Variants in RIMS2 observed in about 807,000 individuals in gnomAD.
The protein encoded by RIMS2 is regulating synaptic membrane exocytosis protein 2.
A neutral mutation model predicts 174.4 loss-of-function variants in RIMS2; 59 were observed. The observed-to-expected ratio is 0.34, with a 90% CI of 0.27 to 0.42. RIMS2 has a LOEUF of 0.42. Among genes scored for constraint, RIMS2 ranks in the 10% least tolerant of loss-of-function variants. RIMS2 has a pLI of 1.00. For synonymous variants in RIMS2, 606 were observed against 572.5 expected (o/e 1.06, Z -0.84); for missense variants, 1,620 against 1,666.3 (o/e 0.97, Z 0.48).
At chr8:103,547,107 T>C (rs3095744) in intron 1 of RIMS2, among the ~76,000 whole-genome samples, 2,562 of 152,258 alleles carry the variant, frequency 0.017, 205 homozygotes, top group Admixed American at 0.14. Context: ...AGGTAAAAGA[T>C]GTACTTTTCA....
intron 3 of RIMS2, among the ~76,000 whole-genome samples, chr8:103,857,279 T>C (rs139224723): frequency 1.2e-4 from 19 of 152,348 alleles, no homozygotes; most frequent in Non-Finnish European, 2.1e-4. Context: ...AATCTTTTAT[T>C]GAGCTATTTG....
intron 1 of RIMS2, among the ~76,000 whole-genome samples, chr8:103,648,141 G>T (rs1355540961): frequency 3.3e-5 from 5 of 151,958 alleles, no homozygotes; most frequent in African/African-American, 1.2e-4. Context: ...TAGTTTCAAA[G>T]AACTTTCTTA....
intron 19 of RIMS2, among the ~76,000 whole-genome samples, chr8:104,044,359 G>A (rs1354238022): frequency 2.6e-5 from 4 of 151,434 alleles, no homozygotes; most frequent in Non-Finnish European, 5.9e-5. Context: ...AAAACAAGGA[G>A]AATAATAAGG....
At chr8:103,754,602 T>A (rs1258444112) in intron 2 of RIMS2, among the ~76,000 whole-genome samples, 1 of 152,212 alleles carries the variant, frequency 6.6e-6, no homozygotes, top group East Asian at 1.9e-4. Context: ...GCTTTATGAA[T>A]CTGGGTGATC....
intron 2 of RIMS2, among the ~76,000 whole-genome samples, chr8:103,724,157 TG>T (rs2097496202): frequency 6.6e-6 from 1 of 151,240 alleles, no homozygotes; most frequent in South Asian, 2.1e-4. Context: ...CCCTCTTCGA[TG>T]TGTCTGTTCT....
chr8:103,848,928 C>A (rs1301883626), intron 3 of RIMS2, among the ~76,000 whole-genome samples: 1 of 152,032 alleles, frequency 6.6e-6, no homozygotes, highest in African/African-American at 2.4e-5. Flanking sequence ...GCTAGAGAGG[C>A]CTTTTGACTC....
At chr8:103,968,245 G>C in intron 15 of RIMS2, among the ~76,000 whole-genome samples, 1 of 152,052 alleles carries the variant, frequency 6.6e-6, no homozygotes, top group Non-Finnish European at 1.5e-5. Flanking sequence ...TCCATTTAAA[G>C]TGGGTTTCTT....
At chr8:103,756,956 C>A (rs916943894) in intron 2 of RIMS2, among the ~76,000 whole-genome samples, 1 of 147,148 alleles carries the variant, frequency 6.8e-6, no homozygotes, top group African/African-American at 2.5e-5. Flanking sequence ...TTATTTCATC[C>A]TTTCTCGTAT....
chr8:103,683,549 A>G (rs150621876), intron 1 of RIMS2, among the ~76,000 whole-genome samples: 2,793 of 152,256 alleles, frequency 0.018, 43 homozygotes, highest in Middle Eastern at 0.031. Flanking sequence ...GCACTTCGTA[A>G]ATTGTCCAGT....
chr8:103,877,396 G>T (rs1215464321), intron 3 of RIMS2, among the ~76,000 whole-genome samples: 1 of 151,558 alleles, frequency 6.6e-6, no homozygotes, highest in African/African-American at 2.4e-5. Context: ...TGATGGGATT[G>T]TTTGTTTTTT....
At position 104,084,257 on chromosome 8, in the gene RIMS2, A is replaced by G. The variant is rs1396628008; in HGVS notation, c.3334+69642A>G. On this transcript the variant is annotated intron_variant, in intron 19 of 23. Transcript: ENST00000504942. ...GGAGTTGAAGACCACCCTGGCCAAC[A>G]TGGTGAAACACCATCTCTACTAAAA... is the stretch of plus-strand genomic sequence containing the variant. 2.0e-5 allele frequency among the ~76,000 whole-genome samples: 3 copies of G among 151,976 alleles called. No individual in the cohort carries two copies. In the East Asian group the frequency reaches 5.8e-4, roughly 29 times the overall value.
exon 4 of RIMS2, chr8:103,885,320 A>G (rs759873512): frequency 6.3e-7 from 1 of 1,591,312 alleles, no homozygotes; most frequent in Admixed American, 1.7e-5. Flanking sequence ...ATCTGTGTCC[A>G]GAGATCAGAA....
intron 1 of RIMS2, among the ~76,000 whole-genome samples, chr8:103,629,767 C>T (rs543142519): frequency 2.2e-4 from 34 of 151,434 alleles, no homozygotes; most frequent in African/African-American, 7.5e-4. Context: ...AAACAAAAAC[C>T]ACACTAGATG....
At chr8:104,144,499 C>T (rs1220518830) in intron 19 of RIMS2, among the ~76,000 whole-genome samples, 1 of 151,996 alleles carries the variant, frequency 6.6e-6, no homozygotes, top group African/African-American at 2.4e-5. Flanking sequence ...CTTGATTGCT[C>T]TTTTCGTTTG....
intron 1 of RIMS2, among the ~76,000 whole-genome samples, chr8:103,558,119 T>G (rs2090851422): frequency 6.6e-6 from 1 of 152,180 alleles, no homozygotes. Context: ...TTGGACTGCA[T>G]TGTTTTACAG....
At chr8:103,677,660 T>C (rs1432624286) in intron 1 of RIMS2, among the ~76,000 whole-genome samples, 1 of 152,172 alleles carries the variant, frequency 6.6e-6, no homozygotes, top group East Asian at 1.9e-4. Context: ...TGGTTCCTAC[T>C]TCTGATACCA....
intron 4 of RIMS2, among the ~76,000 whole-genome samples, chr8:103,901,269 A>G (rs1034562652): frequency 1.3e-5 from 2 of 152,040 alleles, no homozygotes; most frequent in African/African-American, 4.8e-5. Flanking sequence ...TAGCAAATGG[A>G]GGGGCATCTG....
chr8:103,565,058 C>CA (rs999990547), intron 1 of RIMS2, among the ~76,000 whole-genome samples: 123 of 152,294 alleles, frequency 8.1e-4, no homozygotes, highest in African/African-American at 2.8e-3. Context: ...ATGTTGTCAT[C>CA]TGAGACTTGA....
At chr8:103,613,988 G>A (rs528101148) in intron 1 of RIMS2, among the ~76,000 whole-genome samples, 16 of 152,280 alleles carry the variant, frequency 1.1e-4, no homozygotes, top group African/African-American at 2.6e-4. Context: ...TTTTATTACC[G>A]TGTTGGGTGT....
Sources: gnomAD v4.1 joint callset for allele counts (sites outside exome capture counted in the v4.1 genomes callset) on GRCh38, gnomAD v4.1.1 for gene constraint, MANE v1.5 for transcripts, NCBI Gene and HGNC (gene_info 2026-07-23, HGNC 2026-07-21) for gene names.